FBLN2: variants seen among roughly 807,000 people sequenced by gnomAD.
The protein encoded by FBLN2 is fibulin-2.
Under a neutral mutation model 123.7 loss-of-function variants are expected in FBLN2, and 81 were observed. The observed-to-expected ratio is 0.65, with a 90% confidence interval of 0.55 to 0.79. FBLN2 has a LOEUF of 0.79. Ranked by LOEUF, FBLN2 falls within the 30% of genes least tolerant of loss-of-function variation. The pLI, the probability that FBLN2 is intolerant of heterozygous loss-of-function variation, is 0.00. For missense variants in FBLN2, 1,603 were observed against 1,681.3 expected (o/e 0.95, Z 0.81); for synonymous variants, 699 against 701.4 (o/e 1.00, Z 0.05).
chr3:13,601,677 G>A (rs1024981666), intron 2 of FBLN2, among the ~76,000 whole-genome samples: 1 of 152,348 alleles, frequency 6.6e-6, no homozygotes, highest in East Asian at 1.9e-4. Context: ...CTGAGATATG[G>A]CTATGAGGAA....
intron 2 of FBLN2, among the ~76,000 whole-genome samples, chr3:13,587,693 G>T (rs1704554194): frequency 6.6e-6 from 1 of 152,192 alleles, no homozygotes; most frequent in Non-Finnish European, 1.5e-5. Context: ...AGTCTGATAA[G>T]AAACATTTTA....
intron 1 of FBLN2, among the ~76,000 whole-genome samples, chr3:13,560,985 T>C (rs950382069): frequency 1.3e-5 from 2 of 151,968 alleles, no homozygotes; most frequent in African/African-American, 4.8e-5. Flanking sequence ...AACACAAACA[T>C]ACAAAAGAGT....
intron 2 of FBLN2, among the ~76,000 whole-genome samples, chr3:13,581,686 G>T (rs1469923389): frequency 6.6e-6 from 1 of 152,148 alleles, no homozygotes; most frequent in African/African-American, 2.4e-5. Context: ...GGGGGAGAAT[G>T]CAGGCGGTCA....
intron 2 of FBLN2, among the ~76,000 whole-genome samples, chr3:13,586,758 C>G (rs1704519148): frequency 6.7e-6 from 1 of 149,762 alleles, no homozygotes; most frequent in Non-Finnish European, 1.5e-5. Flanking sequence ...ATCCGCCTGT[C>G]TCAGCCTCCC....
At chr3:13,581,479 A>G (rs1158313971) in intron 2 of FBLN2, among the ~76,000 whole-genome samples, 1 of 152,094 alleles carries the variant, frequency 6.6e-6, no homozygotes, top group East Asian at 1.9e-4. Flanking sequence ...TTAGGTGGCC[A>G]ATCAGACGTG....
At chr3:13,609,296 C>T (rs1429948391) in intron 3 of FBLN2, among the ~76,000 whole-genome samples, 1 of 152,238 alleles carries the variant, frequency 6.6e-6, no homozygotes, top group African/African-American at 2.4e-5. Flanking sequence ...CATGAACACA[C>T]ATCTCCGAGT....
intron 1 of FBLN2, among the ~76,000 whole-genome samples, chr3:13,564,438 G>C (rs1703686922): frequency 6.6e-6 from 1 of 152,200 alleles, no homozygotes; most frequent in Non-Finnish European, 1.5e-5. Flanking sequence ...GCCAACCTGA[G>C]ACTTTGTTCT....
rs116571350 is a variant in FBLN2, at chr3:13,553,955, C to T, written c.-42+4747C>T. On this transcript the variant is annotated intron_variant, in intron 1 of 17. Transcript: ENST00000404922. Reference sequence around the variant, plus strand: ...TTGTTGCCCAGGAAGAGCCTTGAAACAGGAGGAGGGCTCTGAAGTGTGATG... The same window carrying T: ...TTGTTGCCCAGGAAGAGCCTTGAAATAGGAGGAGGGCTCTGAAGTGTGATG... Among the ~76,000 whole-genome samples the T allele has an allele frequency of 9.6e-3, 1,457 of 152,334 alleles. 20 individuals carry two copies. Among genetic ancestry groups the T allele is most frequent in the African/African-American group, 0.032 (1,322 of 41,582 alleles).
intron 2 of FBLN2, among the ~76,000 whole-genome samples, chr3:13,572,567 C>T (rs1703997729): frequency 6.6e-6 from 1 of 152,258 alleles, no homozygotes; most frequent in African/African-American, 2.4e-5. Flanking sequence ...CAGCCAGGAC[C>T]AGGGCACCCA....
At chr3:13,562,168 G>A (rs1337479364) in intron 1 of FBLN2, among the ~76,000 whole-genome samples, 1 of 152,030 alleles carries the variant, frequency 6.6e-6, no homozygotes, top group African/African-American at 2.4e-5. Context: ...TTCCCTTTTG[G>A]CTTTGGCTGC....
At chr3:13,629,577 T>C (rs1706180910) in intron 13 of FBLN2, among the ~76,000 whole-genome samples, 1 of 152,176 alleles carries the variant, frequency 6.6e-6, no homozygotes, top group African/African-American at 2.4e-5. Flanking sequence ...CATCTCTTCT[T>C]GTCTGTTGCT....
intron 9 of FBLN2, among the ~76,000 whole-genome samples, chr3:13,623,573 T>C (rs1005873144): frequency 1.2e-4 from 19 of 152,310 alleles, no homozygotes; most frequent in African/African-American, 3.9e-4. Flanking sequence ...TCCACAAATG[T>C]CCACTGGGCT....
In FBLN2 at chr3:13,629,865, C is replaced by CGT; in HGVS notation, c.2892_2893dup (p.Glu965ValfsTer18). The CGT allele has an allele frequency of 6.3e-7, 1 of 1,595,158 alleles. No individual in the cohort carries two copies. The highest frequency in any genetic ancestry group is 8.5e-7 in the Non-Finnish European group (1 of 1,171,820). ...TCGCCAGGCCGCCTGTGCCAGCACA[C>CGT]GTGTGAGAACACACTCGGCTCCTAC... On this transcript the variant is annotated frameshift_variant, in exon 14 of 18. Coordinates refer to ENST00000404922, the MANE Select transcript of FBLN2 (RefSeq NM_001004019.2). LOFTEE classifies it high-confidence loss of function.
intron 2 of FBLN2, among the ~76,000 whole-genome samples, chr3:13,577,222 CAAAA>C (rs34445954): frequency 1.3e-4 from 8 of 59,924 alleles, no homozygotes; most frequent in Admixed American, 1.3e-3. Context: ...GACTCCGTCT[CAAAA>C]AAAAAAAAAA....
chr3:13,630,583 G>A (rs1427559677), intron 14 of FBLN2, 116 bp from the exon 15 acceptor site: 1 of 822,552 alleles, frequency 1.2e-6, no homozygotes. Flanking sequence ...CCCTCGCATA[G>A]GTCAACCCCA....
chr3:13,614,155 C>T lies in FBLN2; in HGVS notation c.1720C>T (p.Pro574Ser), dbSNP rs150431182. ...CCGACCTCCAGAGCCCGCAGCTGCA[C>T]CACGGAGAGGTGAGTGCTGCTCTTC... ...VRRPPEPAAA[P>S]RRVSEAEMAG... Residue 574 changes from proline (P) to serine (S), a missense_variant, in exon 5 of 18, where the codon CCA (proline) becomes TCA (serine). Pro to Ser is a moderately conservative substitution (Grantham distance 74, BLOSUM62 -1). Transcript: ENST00000404922. 1.9e-6 allele frequency: 3 copies of T among 1,611,462 alleles called. No individual in the cohort carries two copies. Among genetic ancestry groups the T allele is most frequent in the Non-Finnish European group, 2.5e-6 (3 of 1,179,780 alleles).
chr3:13,590,140 T>G (rs1233936177), intron 2 of FBLN2, among the ~76,000 whole-genome samples: 1 of 152,206 alleles, frequency 6.6e-6, no homozygotes. Flanking sequence ...AACCATTATT[T>G]TGACTTTTAT....
At chr3:13,619,479 G>A (rs1354534210) in intron 7 of FBLN2, among the ~76,000 whole-genome samples, 2 of 152,194 alleles carry the variant, frequency 1.3e-5, no homozygotes, top group African/African-American at 4.8e-5. Flanking sequence ...GCAAGGCATG[G>A]GCTGGGATCC....
chr3:13,629,366 C>T (rs1338894072), intron 13 of FBLN2, 74 bp downstream of exon 13: 2 of 1,487,516 alleles, frequency 1.3e-6, no homozygotes, highest in South Asian at 1.3e-5. Context: ...TCCACCTCCC[C>T]ATGCCCAGCA....
Sources: allele counts gnomAD v4.1 joint callset (sites outside exome capture counted in the v4.1 genomes callset), GRCh38; gene constraint gnomAD v4.1.1; transcripts MANE v1.5; gene names NCBI Gene and HGNC (gene_info 2026-07-23, HGNC 2026-07-21).